PLEKHG4: variants seen among roughly 807,000 people sequenced by gnomAD.
PLEKHG4 encodes puratrophin-1.
PLEKHG4 carries 85 observed loss-of-function variants against 136.9 expected under a neutral mutation model. That is an observed-to-expected ratio of 0.62 (90% CI 0.52 to 0.74). PLEKHG4 has a LOEUF of 0.74. Among genes scored for constraint, PLEKHG4 ranks in the 30% least tolerant of loss-of-function variants. PLEKHG4 has a pLI of 0.00. For missense variants in PLEKHG4, 1,317 were observed against 1,527.8 expected, an observed-to-expected ratio of 0.86 and a Z score of 2.30; for synonymous variants, 577 against 646.9, an observed-to-expected ratio of 0.89 and a Z score of 1.64.
chr16:67,287,188 G>GCCCCTCCTTCACGCCACACT lies in PLEKHG4; in HGVS notation c.3103+18_3103+37dup, dbSNP rs752363399. The GCCCCTCCTTCACGCCACACT allele has an allele frequency of 6.2e-7, 1 of 1,604,104 alleles. No individual in the cohort carries two copies. Among genetic ancestry groups the GCCCCTCCTTCACGCCACACT allele is most frequent in the South Asian group, 1.1e-5 (1 of 91,056 alleles). On this transcript the variant is annotated intron_variant, in intron 18 of 21. Coordinates refer to ENST00000379344, the MANE Select transcript of PLEKHG4 (RefSeq NM_001129729.3). ...CCGTCCACAACAAGGGTGGGTCCAT[G>GCCCCTCCTTCACGCCACACT]CCCCTCCTTCACGCCACACTCCCCT... is the stretch of plus-strand genomic sequence containing the variant.
chr16:67,288,229 G>A lies in PLEKHG4; in HGVS notation c.3283G>A (p.Ala1095Thr), dbSNP rs1567443082. The change falls in exon 20 of 22, where the codon GCC becomes ACC. Residue 1095 changes from alanine to threonine, a missense_variant. Coordinates refer to ENST00000379344, the MANE Select transcript of PLEKHG4 (RefSeq NM_001129729.3). ...PFDHDSLYLGASNSLPGDPAS... is the reference protein window; with the variant it reads ...PFDHDSLYLGTSNSLPGDPAS... ...TGACCATGACAGCCTCTACCTGGGG[G>A]CCTCGAACTCCCTTCCTGGAGACCC... 6.2e-6 allele frequency: 10 copies of A among 1,613,988 alleles called. No homozygotes were observed. The highest frequency in any genetic ancestry group is 8.5e-6 in the Non-Finnish European group (10 of 1,180,008).
In PLEKHG4 at chr16:67,280,171, G is replaced by T. The variant is rs370443979; in HGVS notation, c.127G>T (p.Val43Phe). Reference sequence around the variant, plus strand: ...GGAGGAACCTGCTTCCCAGATGCACGTTAAGGACCCAGGTCCTCCAAGACC... The same window carrying T: ...GGAGGAACCTGCTTCCCAGATGCACTTTAAGGACCCAGGTCCTCCAAGACC... ...EEEEPASQMH[V>F]KDPGPPRPPA... The change falls in exon 2 of 22, where the codon GTT becomes TTT. Residue 43 changes from valine to phenylalanine, a missense_variant. Transcript: ENST00000379344. The surrounding 1 kb of genome is among the most constrained non-coding windows in gnomAD (Gnocchi z 4.4). 447 of 1,613,762 alleles carry T rather than the reference G, an allele frequency of 2.8e-4. 2 individuals carry two copies. The highest frequency in any genetic ancestry group is 3.3e-4 in the Non-Finnish European group (392 of 1,179,982).
Position 67,280,815 on chromosome 16 carries a change from G to A in PLEKHG4, c.595+9G>A, listed in dbSNP as rs1405760174. 6.2e-7 allele frequency: 1 copy of A among 1,613,860 alleles called. No individual in the cohort carries two copies. Among genetic ancestry groups the A allele is most frequent in the Non-Finnish European group, 8.5e-7 (1 of 1,180,038 alleles). The stretch of plus-strand genomic sequence containing the variant: ...TATGGCCACCTTGCCAGGTAGCCAG[G>A]CGGGCCTAGAGGCGGTGGAGGTGGA... On this transcript the variant is annotated intron_variant, in intron 3 of 21. Coordinates refer to ENST00000379344, the MANE Select transcript of PLEKHG4 (RefSeq NM_001129729.3). The surrounding 1 kb of genome is among the most constrained non-coding windows in gnomAD (Gnocchi z 4.4).
chr16:67,281,717 C>T lies in PLEKHG4; in HGVS notation c.892-7C>T. 6.2e-7 allele frequency: 1 copy of T among 1,613,916 alleles called. No individual in the cohort carries two copies. The highest frequency in any genetic ancestry group is 8.5e-7 in the Non-Finnish European group (1 of 1,179,806). On this transcript the variant is annotated splice_polypyrimidine_tract_variant and splice_region_variant and intron_variant, in intron 6 of 21. Transcript: ENST00000379344. Reference sequence around the variant, plus strand: ...GGCCTGGGTCACAACACCTTCTTCTCCTGTAGCTGGAGCAGTTGCCTTCTC... The same window carrying T: ...GGCCTGGGTCACAACACCTTCTTCTTCTGTAGCTGGAGCAGTTGCCTTCTC...
rs1415595932 is a variant in PLEKHG4, at chr16:67,285,153, C to A, written c.2133C>A (p.Ala711=). The A allele has an allele frequency of 5.0e-6, 8 of 1,613,316 alleles. No individual in the cohort carries two copies. In the African/African-American group the frequency reaches 8.0e-5, roughly 16 times the overall value. ...ACRRPEAGGG[A]LPQASPTVPP... ...GCAGACCAGAGGCTGGAGGAGGTGC[C>A]CTGCCCCAGGCATCCCCTACTGTGC... Residue 711 remains alanine (A), a synonymous_variant, in exon 13 of 22, where the codon GCC becomes GCA. Transcript: ENST00000379344.
At position 67,284,586 on chromosome 16, in the gene PLEKHG4, A is replaced by T; in HGVS notation, c.1693-127A>T. On this transcript the variant is annotated intron_variant, in intron 12 of 21. Coordinates refer to ENST00000379344, the MANE Select transcript of PLEKHG4 (RefSeq NM_001129729.3). This position sits in a 1 kb window ranked among gnomAD's most constrained non-coding sequence, Gnocchi z 4.4. ...CTTCCCTGGTCTTCAGTTTGACCCTAAAACCCAGTCACTGGGGCTGTGTCC... is the reference window on the plus strand; with the variant it reads ...CTTCCCTGGTCTTCAGTTTGACCCTTAAACCCAGTCACTGGGGCTGTGTCC... 1 of 1,476,184 alleles carries T rather than the reference A, an allele frequency of 6.8e-7. No homozygotes were observed. The highest frequency in any genetic ancestry group is 9.3e-7 in the Non-Finnish European group (1 of 1,073,296). 91.4% of individuals were successfully genotyped at this position (1,476,184 alleles called of 1,614,324 possible). A position where few individuals can be genotyped will look rare whatever the true frequency, so the allele number is the denominator to read the frequency against.
chr16:67,285,326 G>A lies in PLEKHG4; in HGVS notation c.2232G>A (p.Glu744=), dbSNP rs1202652490. The A allele has an allele frequency of 1.2e-6, 2 of 1,614,200 alleles. No homozygotes were observed. Among genetic ancestry groups the A allele is most frequent in the South Asian group, 1.1e-5 (1 of 91,088 alleles). Residue 744 remains glutamate (E), a synonymous_variant, in exon 14 of 22, where the codon GAG becomes GAA. Transcript: ENST00000379344. Reference sequence around the variant, plus strand: ...TGCTGGCAGAGATGGTGGCCACGGAGCGGGAGTATGTCCGGGCTCTAGAGT... The same window carrying A: ...TGCTGGCAGAGATGGTGGCCACGGAACGGGAGTATGTCCGGGCTCTAGAGT... ...QLVLAEMVAT[E]REYVRALEYT...
At position 67,286,582 on chromosome 16, in the gene PLEKHG4, G is replaced by A. The variant is rs148251446; in HGVS notation, c.2670G>A (p.Ala890=). ...GGGGCCCCACGCAGGAGCTCAGTGC[G>A]CTGCGGGAGGCCCAGAGCCTTGTGC... ...ACGGPTQELS[A]LREAQSLVHF... is the part of the protein sequence containing the mutation. Residue 890 remains alanine (A), a synonymous_variant, in exon 16 of 22, where the codon GCG becomes GCA. Coordinates refer to ENST00000379344, the MANE Select transcript of PLEKHG4 (RefSeq NM_001129729.3). The A allele has an allele frequency of 9.0e-5, 140 of 1,560,056 alleles. No individual in the cohort carries two copies. Among genetic ancestry groups the A allele is most frequent in the African/African-American group, 6.1e-4 (45 of 73,498 alleles).
Position 67,280,061 on chromosome 16 carries a change from A to C in PLEKHG4, c.17A>C (p.Glu6Ala). The change falls in exon 2 of 22, where the codon GAG becomes GCG. Residue 6 changes from glutamate to alanine, a missense_variant. Glu to Ala is a moderately radical substitution (Grantham distance 107). Transcript: ENST00000379344. The surrounding 1 kb of genome is among the most constrained non-coding windows in gnomAD (Gnocchi z 4.4). MERPL[E>A]NGDESPDSQG... ...GAGGGCGTGATGGAAAGGCCCCTGG[A>C]GAATGGGGATGAGTCCCCAGACTCT... 6.2e-7 allele frequency: 1 copy of C among 1,613,390 alleles called. No homozygotes were observed.
rs115500604 is a variant in PLEKHG4 at position 67,287,989 on chromosome 16, C to G, written c.3195C>G (p.Thr1065=). 1.2e-6 allele frequency: 2 copies of G among 1,613,106 alleles called. No individual in the cohort carries two copies. Among genetic ancestry groups the G allele is most frequent in the East Asian group, 4.5e-5 (2 of 44,866 alleles). Residue 1065 remains threonine, a synonymous_variant, in exon 19 of 22, where the codon ACC becomes ACG. Coordinates refer to ENST00000379344, the MANE Select transcript of PLEKHG4 (RefSeq NM_001129729.3). The part of the protein sequence containing the change: ...APSEEAINDR[T]VNYVLKCREV... ...GCGAGGAAGCCATCAACGACCGCAC[C>G]GTCAACTATGTCCTGAAGTGCCGAG...
rs200088321 is a variant in PLEKHG4 at position 67,280,332 on chromosome 16, G to A, written c.288G>A (p.Gly96=). 1 of 1,613,588 alleles carries A rather than the reference G, an allele frequency of 6.2e-7. No homozygotes were observed. The highest frequency in any genetic ancestry group is 1.7e-5 in the Admixed American group (1 of 60,002). Residue 96 remains glycine (G), a synonymous_variant, in exon 2 of 22, where the codon GGG becomes GGA. Transcript: ENST00000379344. This position sits in a 1 kb window ranked among gnomAD's most constrained non-coding sequence, Gnocchi z 4.4. The stretch of plus-strand genomic sequence containing the variant: ...AAAGCTCCTCAGTCCTGTCAGAAGG[G>A]CCAGGCCCCTCTGGAGTGGAGAGTC... The part of the protein sequence containing the change: ...TVESSSVLSE[G]PGPSGVESLL...
chr16:67,281,094 C>G lies in PLEKHG4; in HGVS notation c.723C>G (p.Pro241=). 1 of 1,614,014 alleles carries G rather than the reference C, an allele frequency of 6.2e-7. No homozygotes were observed. The highest frequency in any genetic ancestry group is 8.5e-7 in the Non-Finnish European group (1 of 1,179,920). ...GAACTGAAGCTCACCCCTTTAGGCC[C>G]GAAGTACAGGCACTGGGACTGACAG... ...LLLYLRSIPR[P]EVQALGLTVL... The change falls in exon 5 of 22, where the codon CCC becomes CCG. Residue 241 remains proline (P), a synonymous_variant. Coordinates refer to ENST00000379344, the MANE Select transcript of PLEKHG4 (RefSeq NM_001129729.3).
Position 67,281,012 on chromosome 16 carries a change from G to C in PLEKHG4, c.719+7G>C, listed in dbSNP as rs1304312133. 6.2e-7 allele frequency: 1 copy of C among 1,613,986 alleles called. No individual in the cohort carries two copies. Among genetic ancestry groups the C allele is most frequent in the African/African-American group, 1.3e-5 (1 of 74,930 alleles). ...ACCTGCGAAGCATCCCCAGGTTTGA[G>C]GGAGGGGGTTGGGAGACTGAGCCTG... On this transcript the variant is annotated splice_region_variant and intron_variant, in intron 4 of 21. Coordinates refer to ENST00000379344, the MANE Select transcript of PLEKHG4 (RefSeq NM_001129729.3).
intron 11 of PLEKHG4, among the ~76,000 whole-genome samples, chr16:67,283,490 C>A (rs1049779427): frequency 6.6e-6 from 1 of 151,976 alleles, no homozygotes; most frequent in Non-Finnish European, 1.5e-5. Flanking sequence ...GAGGCAATTG[C>A]AGTAGTCTAG....
Position 67,279,633 on chromosome 16 carries a change from G to A in PLEKHG4, c.-170+7G>A, listed in dbSNP as rs974161210. ...CGCGGCTCGGCCCGGGGGCGTGAGT[G>A]TCGCCAGCGGGCGACGGGGGGGCGC... On this transcript the variant is annotated splice_region_variant and intron_variant, in intron 1 of 21. Coordinates refer to ENST00000379344, the MANE Select transcript of PLEKHG4 (RefSeq NM_001129729.3). The A allele has an allele frequency of 3.7e-5, 6 of 161,598 alleles. No individual in the cohort carries two copies. Among genetic ancestry groups the A allele is most frequent in the African/African-American group, 1.4e-4 (6 of 41,536 alleles). 10.0% of individuals were successfully genotyped at this position (161,598 alleles called of 1,614,324 possible).
Position 67,282,838 on chromosome 16 carries a change from G to T in PLEKHG4, c.1489G>T (p.Glu497Ter). The change falls in exon 11 of 22, where the codon GAG becomes TAG. Residue 497 changes from glutamate to a stop codon, truncating the protein, a stop_gained. Coordinates refer to ENST00000379344, the MANE Select transcript of PLEKHG4 (RefSeq NM_001129729.3). LOFTEE classifies it high-confidence loss of function. Reference sequence around the variant, plus strand: ...GCTCCAGGCCCAAGGCTCTTTTCAGGAGCTGTACCAGGTTGCCCAGGTATA... The same window carrying T: ...GCTCCAGGCCCAAGGCTCTTTTCAGTAGCTGTACCAGGTTGCCCAGGTATA... ...MLLQAQGSFQ[E>*]LYQVAQEQVR... 1 of 1,613,286 alleles carries T rather than the reference G, an allele frequency of 6.2e-7. No homozygotes were observed.
chr16:67,288,700 A>G (rs895686003), intron 21 of PLEKHG4, 96 bp downstream of exon 21: 2 of 1,598,740 alleles, frequency 1.3e-6, no homozygotes, highest in Non-Finnish European at 1.7e-6. Flanking sequence ...CTAGGCCTTT[A>G]CTTTGGGTAG....
rs2036476779 is a variant in PLEKHG4, at chr16:67,286,534, G to A, written c.2622G>A (p.Leu874=). Residue 874 remains leucine, a synonymous_variant, in exon 16 of 22, where the codon CTG becomes CTA. Coordinates refer to ENST00000379344, the MANE Select transcript of PLEKHG4 (RefSeq NM_001129729.3). ...IQRMGKYALL[L]QELARACGGP... is the part of the protein sequence containing the mutation. ...GCATGGGCAAGTACGCACTGCTGCT[G>A]CAGGAGCTGGCACGGGCCTGCGGGG... The A allele has an allele frequency of 6.3e-7, 1 of 1,577,476 alleles. No homozygotes were observed. Among genetic ancestry groups the A allele is most frequent in the Admixed American group, 1.8e-5 (1 of 54,122 alleles).
At chr16:67,279,093 G>A (rs1431856303), upstream of PLEKHG4, 1 of 152,230 alleles carries the variant, frequency 6.6e-6, no homozygotes, top group Non-Finnish European at 1.5e-5. Flanking sequence ...TTCAGCCGCG[G>A]AAGCCCCTGG....
Sources: allele counts gnomAD v4.1 joint callset (sites outside exome capture counted in the v4.1 genomes callset), GRCh38; gene constraint gnomAD v4.1.1; non-coding constraint Gnocchi (gnomAD v3.1); transcripts MANE v1.5; gene names NCBI Gene and HGNC (gene_info 2026-07-23, HGNC 2026-07-21).